The following MGAM variants were observed in gnomAD, a reference collection of about 807,000 sequenced individuals.
The protein encoded by MGAM is alpha-1,4-glucosidase.
MGAM carries 253 observed loss-of-function variants against 358.8 expected under a neutral mutation model. That is an observed-to-expected ratio of 0.71 (90% confidence interval 0.64 to 0.78). The LOEUF (loss-of-function observed/expected upper bound fraction) is 0.78. Among genes scored for constraint, MGAM ranks in the 30% least tolerant of loss-of-function variants. The probability of loss-of-function intolerance (pLI) is 0.00; values close to 1 mark genes in which losing one functional copy is unlikely to be tolerated. For synonymous variants in MGAM, 1,105 were observed against 1,227.1 expected, an observed-to-expected ratio of 0.90 and a Z score of 2.08; for missense variants, 3,080 against 3,432.6, an observed-to-expected ratio of 0.90 and a Z score of 2.57.
chr7:142,064,263 T>G, intron 36 of MGAM, 121 bp from the exon 37 acceptor site: 1 of 1,422,104 alleles, frequency 7.0e-7, no homozygotes, highest in Non-Finnish European at 9.6e-7. Context: ...TCTGGGGAGA[T>G]GGAGAGCGAC....
chr7:142,041,956 ATAATATATATATATT>A (rs1808718239), intron 21 of MGAM, among the ~76,000 whole-genome samples: 2 of 26,612 alleles, frequency 7.5e-5, no homozygotes, highest in African/African-American at 2.6e-4. Flanking sequence ...ATACATATAT[ATAATATATATATATT>A]ATATATATAT....
At chr7:142,010,658 C>A (rs1292130382) in intron 3 of MGAM, among the ~76,000 whole-genome samples, 2 of 152,090 alleles carry the variant, frequency 1.3e-5, no homozygotes, top group Non-Finnish European at 2.9e-5. Context: ...ATTAGAATTT[C>A]TCTTTTTTAC....
At chr7:141,998,667 T>A (rs1036412194) in intron 1 of MGAM, among the ~76,000 whole-genome samples, 3 of 152,198 alleles carry the variant, frequency 2.0e-5, no homozygotes, top group Admixed American at 6.5e-5. Context: ...TGATGGGCAT[T>A]TGGGTTGGTT....
chr7:142,094,803 C>T lies in MGAM; in HGVS notation c.7398C>T (p.Arg2466=). 6.2e-7 allele frequency: 1 copy of T among 1,613,900 alleles called. No individual in the cohort carries two copies. Among genetic ancestry groups the T allele is most frequent in the Non-Finnish European group, 8.5e-7 (1 of 1,179,890 alleles). The change falls in exon 63 of 71, where the codon CGC becomes CGT. Residue 2466 remains arginine (R), a synonymous_variant. Coordinates refer to ENST00000475668, the MANE Select transcript of MGAM (RefSeq NM_001365693.1). ...FQDAEYEMCV[R]WMQLGAFYPF... is the part of the protein sequence containing the mutation. ...ATGCTGAATATGAGATGTGTGTTCGCTGGATGCAGCTGGGGGCCTTTTACC... is the reference window on the plus strand; with the variant it reads ...ATGCTGAATATGAGATGTGTGTTCGTTGGATGCAGCTGGGGGCCTTTTACC...
intron 70 of MGAM, 45 bp downstream of exon 70, chr7:142,103,484 T>A (rs1184564487): frequency 2.4e-5 from 36 of 1,521,996 alleles, no homozygotes; most frequent in Non-Finnish European, 3.2e-5. Context: ...CCACCCTTAA[T>A]ATGCCTAGTG....
At chr7:142,053,390 A>G (rs1811201263) in intron 26 of MGAM, among the ~76,000 whole-genome samples, 1 of 152,084 alleles carries the variant, frequency 6.6e-6, no homozygotes, top group Non-Finnish European at 1.5e-5. Context: ...GAACATCAAG[A>G]ATGATGACCG....
At chr7:142,045,955 GTATACATACAATATGTAATATA>G (rs1810303618) in intron 21 of MGAM, among the ~76,000 whole-genome samples, 2 of 36,622 alleles carry the variant, frequency 5.5e-5, no homozygotes, top group African/African-American at 1.1e-4. Flanking sequence ...TATATATTAT[GTATACATACAATATGTAATATA>G]TATTATGTAT....
chr7:142,085,761 T>C (rs751923058), intron 54 of MGAM, 72 bp from the exon 55 acceptor site: 1 of 1,471,500 alleles, frequency 6.8e-7, no homozygotes, highest in Admixed American at 2.0e-5. Context: ...CCATGGGTGG[T>C]GGAGGCTTGT....
intron 66 of MGAM, among the ~76,000 whole-genome samples, chr7:142,098,310 G>A (rs10215743): frequency 0.64 from 97,515 of 151,782 alleles, 31,506 homozygotes; most frequent in South Asian, 0.72. Flanking sequence ...GCAGCTCTGG[G>A]GTGGTGGGCT....
rs1033931327 is a variant in MGAM at position 142,020,980 on chromosome 7, C to T, written c.455C>T (p.Thr152Ile). Reference protein sequence around the residue: ...GNLVNTNAGFTARLKNLPSSP... With the variant: ...GNLVNTNAGFIARLKNLPSSP... ...TTTTTTTCTCCTATGTTAGGATTCA[C>T]AGCCCGGTTGAAAAATCTGCCTTCT... Residue 152 changes from threonine to isoleucine, a missense_variant, in exon 5 of 71, where the codon ACA (threonine) becomes ATA (isoleucine). By Grantham distance (89) the Thr-to-Ile change is moderately conservative. Around this residue, in one of 5 missense-constraint regions of MGAM, gnomAD observed 1,816 missense variants for 1,840.5 expected, o/e 0.99. Transcript: ENST00000475668. 1.9e-6 allele frequency: 3 copies of T among 1,610,784 alleles called. No homozygotes were observed. Among genetic ancestry groups the T allele is most frequent in the Non-Finnish European group, 2.5e-6 (3 of 1,177,566 alleles).
intron 69 of MGAM, 127 bp from the exon 70 acceptor site, chr7:142,103,142 T>C (rs1015157835): frequency 6.2e-6 from 5 of 812,388 alleles, no homozygotes; most frequent in African/African-American, 3.5e-5. Flanking sequence ...ATTTCCATGA[T>C]CCAAAGTTAC....
At chr7:141,997,959 G>A (rs1804400164) in intron 1 of MGAM, among the ~76,000 whole-genome samples, 1 of 152,138 alleles carries the variant, frequency 6.6e-6, no homozygotes, top group African/African-American at 2.4e-5. Flanking sequence ...TTTTCCACTA[G>A]ATCTCATGTC....
intron 7 of MGAM, among the ~76,000 whole-genome samples, chr7:142,023,647 C>G (rs1309211319): frequency 6.6e-6 from 1 of 152,080 alleles, no homozygotes; most frequent in Non-Finnish European, 1.5e-5. Flanking sequence ...CCACTGCACT[C>G]CAGCCTGGGT....
intron 3 of MGAM, among the ~76,000 whole-genome samples, chr7:142,015,756 C>G (rs1218321486): frequency 6.6e-6 from 1 of 151,728 alleles, no homozygotes; most frequent in Non-Finnish European, 1.5e-5. Flanking sequence ...AAAAGGAATC[C>G]TTTTAATATG....
intron 47 of MGAM, among the ~76,000 whole-genome samples, chr7:142,077,734 A>G (rs1400158156): frequency 6.9e-6 from 1 of 145,778 alleles, no homozygotes; most frequent in African/African-American, 2.4e-5. Context: ...TGCCTGAATC[A>G]AAATATTTCA....
At chr7:142,061,631 C>T (rs1407336130) in intron 34 of MGAM, among the ~76,000 whole-genome samples, 2 of 152,124 alleles carry the variant, frequency 1.3e-5, no homozygotes, top group Non-Finnish European at 2.9e-5. Context: ...GCCTTCCCCA[C>T]CCTCCTCACC....
rs898231455 is a variant in MGAM at position 142,074,702 on chromosome 7, T to A, written c.5275+529T>A. Among the ~76,000 whole-genome samples, 20 of 146,678 alleles carry A rather than the reference T, an allele frequency of 1.4e-4. 1 individual carries two copies. Among genetic ancestry groups the A allele is most frequent in the African/African-American group, 4.8e-4 (20 of 41,254 alleles). The stretch of plus-strand genomic sequence containing the variant: ...AGCCCTTGGAAGGGAATCTTTGCAA[T>A]GTTCTGGTAGAAAAGAGAAGGAAAA... On this transcript the variant is annotated intron_variant, in intron 45 of 70. Transcript: ENST00000475668.
At position 142,071,135 on chromosome 7, in the gene MGAM, A is replaced by C. The variant is rs766125591; in HGVS notation, c.5186+17A>C. The C allele has an allele frequency of 6.5e-7, 1 of 1,542,520 alleles. No individual in the cohort carries two copies. Among genetic ancestry groups the C allele is most frequent in the Admixed American group, 1.8e-5 (1 of 56,810 alleles). Reference sequence around the variant, plus strand: ...CCACTTAAGGTGAATGACAGGACTCAGGTTTTCCTTTACATTTCAGTTAGC... The same window carrying C: ...CCACTTAAGGTGAATGACAGGACTCCGGTTTTCCTTTACATTTCAGTTAGC... On this transcript the variant is annotated intron_variant, in intron 44 of 70. Coordinates refer to ENST00000475668, the MANE Select transcript of MGAM (RefSeq NM_001365693.1).
Position 142,097,611 on chromosome 7 carries a change from G to A in MGAM, c.7711G>A (p.Ala2571Thr), listed in dbSNP as rs775412511. 3 of 1,612,918 alleles carry A rather than the reference G, an allele frequency of 1.9e-6. No individual in the cohort carries two copies. The highest frequency in any genetic ancestry group is 2.5e-6 in the Non-Finnish European group (3 of 1,178,992). ...ATTTTAGAATGCCAGAAATGTCACT[G>A]CATATTTCCCTAGAGCCCGCTGGTA... ...VLERNARNVT[A>T]YFPRARWYDY... The change falls in exon 66 of 71, where the codon GCA (alanine) becomes ACA (threonine). Residue 2571 changes from alanine (A) to threonine (T), a missense_variant. By Grantham distance (58) the Ala-to-Thr change is moderately conservative. Coordinates refer to ENST00000475668, the MANE Select transcript of MGAM (RefSeq NM_001365693.1).
Sources: allele counts gnomAD v4.1 joint callset (sites outside exome capture counted in the v4.1 genomes callset), GRCh38; gene constraint gnomAD v4.1.1; regional missense constraint gnomAD v4.1.1; transcripts MANE v1.5; gene names NCBI Gene and HGNC (gene_info 2026-07-23, HGNC 2026-07-21).